SOX5: variants seen among roughly 807,000 people sequenced by gnomAD.
The protein encoded by SOX5 is SRY-box transcription factor 5, also known as transcription factor SOX-5.
Under a neutral mutation model 92.0 loss-of-function variants are expected in SOX5, and 9 were observed. The ratio of observed to expected loss-of-function variants is 0.10; its 90% CI spans 0.06 to 0.17. The LOEUF (loss-of-function observed/expected upper bound fraction) is 0.17, where lower values mean the gene tolerates loss of function less well. SOX5 is among the 10% of genes least tolerant of loss of function. SOX5 has a pLI of 1.00. For synonymous variants in SOX5, 344 were observed against 336.3 expected, an observed-to-expected ratio of 1.02 and a Z score of -0.25; for missense variants, 642 against 944.5, an observed-to-expected ratio of 0.68 and a Z score of 4.20.
At chr12:23,979,950 T>TAGACAGAC (rs71059956) in intron 4 of SOX5, among the ~76,000 whole-genome samples, 4,413 of 145,600 alleles carry the variant, frequency 0.03, 242 homozygotes, top group African/African-American at 0.1. Context: ...GATAGATAGA[T>TAGACAGAC]AGACAGACAG....
At chr12:24,231,699 A>T (rs1963438449) in intron 3 of SOX5, among the ~76,000 whole-genome samples, 1 of 152,212 alleles carries the variant, frequency 6.6e-6, no homozygotes, top group Admixed American at 6.5e-5. Flanking sequence ...AGAATGGCAT[A>T]AAAGAGTAGG....
intron 4 of SOX5, among the ~76,000 whole-genome samples, chr12:24,188,028 T>C (rs1956184935): frequency 6.6e-6 from 1 of 152,216 alleles, no homozygotes; most frequent in Non-Finnish European, 1.5e-5. Context: ...AATAGTAGGC[T>C]GTAAATTCAA....
At chr12:24,034,475 T>C (rs940769043) in intron 4 of SOX5, among the ~76,000 whole-genome samples, 1 of 151,720 alleles carries the variant, frequency 6.6e-6, no homozygotes, top group African/African-American at 2.4e-5. Flanking sequence ...AAGTAAAACA[T>C]AGGAATGGGG....
chr12:24,470,949 T>G (rs548626300), intron 1 of SOX5, among the ~76,000 whole-genome samples: 2 of 152,350 alleles, frequency 1.3e-5, no homozygotes, highest in African/African-American at 2.4e-5. Flanking sequence ...TGGTAGCGAT[T>G]GTTATTATTA....
chr12:24,556,909 T>C (rs1418749987), intron 1 of SOX5, among the ~76,000 whole-genome samples: 2 of 152,120 alleles, frequency 1.3e-5, no homozygotes, highest in African/African-American at 4.8e-5. Flanking sequence ...TCAAAGTAAG[T>C]ACAAAATGAA....
chr12:24,167,129 G>A (rs1443675830), intron 4 of SOX5, among the ~76,000 whole-genome samples: 2 of 152,106 alleles, frequency 1.3e-5, no homozygotes, highest in African/African-American at 4.8e-5. Flanking sequence ...GTTCTTGTCT[G>A]TGTAATACGA....
intron 3 of SOX5, among the ~76,000 whole-genome samples, chr12:23,766,113 T>C (rs2094718176): frequency 6.6e-6 from 1 of 152,194 alleles, no homozygotes; most frequent in African/African-American, 2.4e-5. Context: ...CAGACTTTTC[T>C]AAATGCTACT....
intron 6 of SOX5, among the ~76,000 whole-genome samples, chr12:23,732,362 A>C (rs1484253191): frequency 2.0e-5 from 3 of 152,192 alleles, no homozygotes; most frequent in Non-Finnish European, 2.9e-5. Flanking sequence ...TAAACAATTC[A>C]AATATATTGT....
chr12:23,940,953 T>C (rs1274328479), intron 1 of SOX5, among the ~76,000 whole-genome samples: 2 of 151,458 alleles, frequency 1.3e-5, no homozygotes, highest in Non-Finnish European at 3.0e-5. Context: ...ACCTTCAATT[T>C]TTTCAAGATG....
At chr12:23,615,806 T>C (rs1450696055) in intron 8 of SOX5, among the ~76,000 whole-genome samples, 2 of 152,228 alleles carry the variant, frequency 1.3e-5, no homozygotes, top group South Asian at 2.1e-4. Flanking sequence ...ATTTTACAAA[T>C]TGAGCTGCCT....
At chr12:23,704,801 A>G (rs1485925843) in intron 6 of SOX5, among the ~76,000 whole-genome samples, 1 of 150,278 alleles carries the variant, frequency 6.7e-6, no homozygotes, top group East Asian at 1.9e-4. Flanking sequence ...GTAATAGAAG[A>G]CATTCATAAC....
At chr12:23,938,836 T>G (rs1402410595) in intron 1 of SOX5, among the ~76,000 whole-genome samples, 1 of 151,030 alleles carries the variant, frequency 6.6e-6, no homozygotes, top group Non-Finnish European at 1.5e-5. Context: ...AACAATTATA[T>G]TAACTACAAA....
rs1379360538 is a variant in SOX5 at position 24,307,708 on chromosome 12, T to C, written c.-173-30396A>G. Among the ~76,000 whole-genome samples, 4 of 55,096 alleles carry C rather than the reference T, an allele frequency of 7.3e-5. 1 individual carries two copies. The highest frequency in any genetic ancestry group is 1.8e-4 in the African/African-American group (4 of 22,088). The allele number at this position is 55,096 out of a possible 152,430, so 36.1% of individuals were successfully genotyped here. A position where few individuals can be genotyped will look rare whatever the true frequency, so the allele number is the denominator to read the frequency against. Reference sequence around the variant, plus strand: ...AAACACAAACACATACATAGCATAATATGGCTCTACAGAGACACAGAAAAA... The same window carrying C: ...AAACACAAACACATACATAGCATAACATGGCTCTACAGAGACACAGAAAAA... On this transcript the variant is annotated intron_variant, in intron 2 of 4. Transcript: ENST00000446891.
intron 9 of SOX5, among the ~76,000 whole-genome samples, chr12:23,599,625 C>T (rs1055056079): frequency 6.6e-6 from 1 of 152,156 alleles, no homozygotes; most frequent in African/African-American, 2.4e-5. Flanking sequence ...ACAAGTTGCT[C>T]TTAGGATTTT....
At chr12:23,904,331 C>T (rs1401447663) in intron 1 of SOX5, among the ~76,000 whole-genome samples, 4 of 149,698 alleles carry the variant, frequency 2.7e-5, no homozygotes, top group Middle Eastern at 3.4e-3. Context: ...TTCCCACATA[C>T]AAAAACCTGG....
chr12:24,035,840 C>A (rs1201336253), intron 4 of SOX5, among the ~76,000 whole-genome samples: 1 of 151,944 alleles, frequency 6.6e-6, no homozygotes, highest in Non-Finnish European at 1.5e-5. Context: ...AAATCTCAGG[C>A]TAGAGAAAGT....
intron 4 of SOX5, among the ~76,000 whole-genome samples, chr12:24,096,851 TG>T (rs1945479339): frequency 6.6e-6 from 1 of 152,118 alleles, no homozygotes; most frequent in South Asian, 2.1e-4. Flanking sequence ...TACAAAAGTG[TG>T]TGTGTCTGTG....
intron 1 of SOX5, among the ~76,000 whole-genome samples, chr12:24,557,319 C>T (rs1047650675): frequency 5.3e-5 from 8 of 149,624 alleles, no homozygotes; most frequent in South Asian, 2.1e-4. Context: ...ACCCAGGAGG[C>T]GGAGGGTTCA....
At chr12:23,611,605 A>G (rs2075966208) in intron 8 of SOX5, among the ~76,000 whole-genome samples, 1 of 152,076 alleles carries the variant, frequency 6.6e-6, no homozygotes, top group Non-Finnish European at 1.5e-5. Context: ...ATCTTGCTAC[A>G]GGTCTCCCTT....
Sources: allele counts gnomAD v4.1 joint callset (sites outside exome capture counted in the v4.1 genomes callset), GRCh38; gene constraint gnomAD v4.1.1; transcripts MANE v1.5; gene names NCBI Gene and HGNC (gene_info 2026-07-23, HGNC 2026-07-21).